The following FAM20C variants were observed in gnomAD, a reference collection of about 807,000 sequenced individuals.
FAM20C encodes extracellular serine/threonine protein kinase FAM20C.
Under a neutral mutation model 51.5 loss-of-function variants are expected in FAM20C, and 40 were observed. The ratio of observed to expected loss-of-function variants is 0.78; its 90% confidence interval spans 0.60 to 1.01. FAM20C has a LOEUF of 1.01. Among genes scored for constraint, FAM20C ranks in the 50% least tolerant of loss-of-function variants. The probability of loss-of-function intolerance (pLI) is 0.00; values close to 1 mark genes in which losing one functional copy is unlikely to be tolerated. For missense variants in FAM20C, 861 were observed against 844.7 expected (o/e 1.02, Z -0.24); for synonymous variants, 406 against 380.6 (o/e 1.07, Z -0.78).
At position 258,162 on chromosome 7, in the gene FAM20C, A is replaced by T. The variant is rs878933216; in HGVS notation, c.1446-484A>T. Among the ~76,000 whole-genome samples the T allele has an allele frequency of 1.1e-3, 31 of 29,308 alleles. 1 individual carries two copies. Among genetic ancestry groups the T allele is most frequent in the African/African-American group, 3.0e-3 (19 of 6,410 alleles). The allele number at this position is 29,308 out of a possible 152,430, so 19.2% of individuals were successfully genotyped here. On this transcript the variant is annotated intron_variant, in intron 8 of 9. Transcript: ENST00000313766. ...ACTGACTGGGGTGCTGGAGATAGGC[A>T]GGGTGGACCCACTGCCTGAGGTGCT... is the stretch of plus-strand genomic sequence containing the variant.
chr7:259,131 C>T (rs1221569033), intron 9 of FAM20C, among the ~76,000 whole-genome samples: 4 of 152,230 alleles, frequency 2.6e-5, no homozygotes, highest in African/African-American at 7.2e-5. Flanking sequence ...CTTTGTACTT[C>T]TCTAAGGAGG....
chr7:201,126 G>A (rs1786109416), intron 2 of FAM20C, among the ~76,000 whole-genome samples: 1 of 152,156 alleles, frequency 6.6e-6, no homozygotes, highest in African/African-American at 2.4e-5. Flanking sequence ...GCCCTCTTTG[G>A]GTGAGGCCCT....
intron 3 of FAM20C, chr7:228,152 G>A (rs976895230): frequency 1.6e-5 from 5 of 312,936 alleles, no homozygotes; most frequent in Middle Eastern, 1.1e-3. Context: ...CCTGCGTAAC[G>A]AAACACCAGG....
intron 3 of FAM20C, among the ~76,000 whole-genome samples, chr7:210,808 G>A (rs1393465540): frequency 2.6e-5 from 4 of 152,122 alleles, no homozygotes; most frequent in Non-Finnish European, 5.9e-5. Context: ...CTGAGGAGGT[G>A]GAAAGTGCAG....
intron 3 of FAM20C, among the ~76,000 whole-genome samples, chr7:233,532 C>G (rs1214243563): frequency 6.6e-6 from 1 of 152,210 alleles, no homozygotes; most frequent in Non-Finnish European, 1.5e-5. Context: ...GCAGGCTGAG[C>G]TCCCCCGGGA....
At position 233,063 on chromosome 7, in the gene FAM20C, C is replaced by A. The variant is rs941092849; in HGVS notation, c.864-13352C>A. Among the ~76,000 whole-genome samples, 1,356 of 152,334 alleles carry A rather than the reference C, an allele frequency of 8.9e-3. 24 individuals carry two copies. The highest frequency in any genetic ancestry group is 0.031 in the African/African-American group (1,300 of 41,564). On this transcript the variant is annotated intron_variant, in intron 3 of 9. Transcript: ENST00000313766. The stretch of plus-strand genomic sequence containing the variant: ...AGGCCTGAGTCAGACTCCTGGTTCC[C>A]GTCCAAGCTGTGCCATGTTCTGGCC...
In FAM20C at chr7:201,782, G is replaced by A. The variant is rs10480924; in HGVS notation, c.784+6050G>A. Among the ~76,000 whole-genome samples, 831 of 152,290 alleles carry A rather than the reference G, an allele frequency of 5.5e-3. 9 individuals carry two copies. The highest frequency in any genetic ancestry group is 0.019 in the African/African-American group (796 of 41,564). ...TGCATACGAACATCGCCTCTGTCTCGTGCTGTGACCCGGGGAGAGACTGTG... is the reference window on the plus strand; with the variant it reads ...TGCATACGAACATCGCCTCTGTCTCATGCTGTGACCCGGGGAGAGACTGTG... On this transcript the variant is annotated intron_variant, in intron 2 of 9. Transcript: ENST00000313766.
chr7:244,591 G>A (rs557844772), intron 3 of FAM20C, among the ~76,000 whole-genome samples: 33 of 152,196 alleles, frequency 2.2e-4, no homozygotes, highest in African/African-American at 7.7e-4. Flanking sequence ...TCAGTTTGCC[G>A]CCATACCTGC....
At chr7:222,173 G>A (rs930484580) in intron 3 of FAM20C, among the ~76,000 whole-genome samples, 5 of 152,154 alleles carry the variant, frequency 3.3e-5, no homozygotes, top group Non-Finnish European at 5.9e-5. Context: ...TGGAGGCCAC[G>A]CAGGGATGTC....
chr7:236,516 G>C (rs1312732007), intron 3 of FAM20C, among the ~76,000 whole-genome samples: 1 of 152,024 alleles, frequency 6.6e-6, no homozygotes, highest in Non-Finnish European at 1.5e-5. Flanking sequence ...CCTTCCCCTC[G>C]CCCTCACCTG....
intron 3 of FAM20C, among the ~76,000 whole-genome samples, chr7:215,057 T>G (rs1438488025): frequency 6.6e-6 from 1 of 151,780 alleles, no homozygotes; most frequent in African/African-American, 2.4e-5. Context: ...GTCACTACAC[T>G]CTCCTATGCT....
intron 3 of FAM20C, among the ~76,000 whole-genome samples, chr7:236,948 T>G (rs1455881032): frequency 6.6e-6 from 1 of 151,710 alleles, no homozygotes; most frequent in Non-Finnish European, 1.5e-5. Context: ...CTTCCAGGAG[T>G]GGGACATGGA....
chr7:202,212 G>A (rs978971772), intron 2 of FAM20C, among the ~76,000 whole-genome samples: 1 of 152,082 alleles, frequency 6.6e-6, no homozygotes, highest in Non-Finnish European at 1.5e-5. Flanking sequence ...GCCACTGGGC[G>A]AGATTGCACT....
rs996924619 is a variant in FAM20C, at chr7:233,416, T to C, written c.864-12999T>C. Among the ~76,000 whole-genome samples the C allele has an allele frequency of 1.1e-3, 172 of 152,342 alleles. 2 individuals carry two copies. The highest frequency in any genetic ancestry group is 4.0e-3 in the African/African-American group (167 of 41,562). On this transcript the variant is annotated intron_variant, in intron 3 of 9. Coordinates refer to ENST00000313766, the MANE Select transcript of FAM20C (RefSeq NM_020223.4). ...CCTGCCTTCGTGTGGCTGGGTATCC[T>C]GTATTCCCCTCCTTGGCTGCTGGAA...
At chr7:210,366 C>A (rs1786655409) in intron 3 of FAM20C, among the ~76,000 whole-genome samples, 1 of 152,144 alleles carries the variant, frequency 6.6e-6, no homozygotes, top group Non-Finnish European at 1.5e-5. Flanking sequence ...ACCTGAGGGT[C>A]TCCTGGGTTA....
chr7:247,993 TG>T (rs1270314494), intron 4 of FAM20C, among the ~76,000 whole-genome samples: 1 of 152,260 alleles, frequency 6.6e-6, no homozygotes, highest in Non-Finnish European at 1.5e-5. Flanking sequence ...CCATTAAAAG[TG>T]GCTCCTTTAA....
intron 3 of FAM20C, among the ~76,000 whole-genome samples, chr7:241,421 C>T (rs1787942552): frequency 1.3e-5 from 2 of 152,182 alleles, no homozygotes; most frequent in Non-Finnish European, 2.9e-5. Context: ...GGAAATCAGA[C>T]TCCGCCTTTT....
intron 2 of FAM20C, among the ~76,000 whole-genome samples, chr7:200,990 T>G (rs1786102758): frequency 6.6e-6 from 1 of 152,014 alleles, no homozygotes; most frequent in Admixed American, 6.5e-5. Flanking sequence ...GGTGAATGGG[T>G]ATATGAGCCT....
chr7:193,947 C>T, intron 1 of FAM20C, 143 bp downstream of exon 1: 1 of 1,244,140 alleles, frequency 8.0e-7, no homozygotes, highest in Non-Finnish European at 1.1e-6. Flanking sequence ...CAGCCGCCTA[C>T]CTCAGGGCGC....
Sources: allele counts gnomAD v4.1 joint callset (sites outside exome capture counted in the v4.1 genomes callset), GRCh38; gene constraint gnomAD v4.1.1; transcripts MANE v1.5; gene names NCBI Gene and HGNC (gene_info 2026-07-23, HGNC 2026-07-21).